The following CSMD1 variants were observed in gnomAD, a reference collection of about 807,000 sequenced individuals.
CSMD1 encodes CUB and sushi domain-containing protein 1.
A neutral mutation model predicts 417.5 loss-of-function variants in CSMD1; 213 were observed. That is an observed-to-expected ratio of 0.51 (90% CI 0.46 to 0.57). CSMD1 has a LOEUF of 0.57. Ranked by LOEUF, CSMD1 falls within the 20% of genes least tolerant of loss-of-function variation. The pLI, the probability that CSMD1 is intolerant of heterozygous loss-of-function variation, is 0.00. For synonymous variants in CSMD1, 2,862 were observed against 1,736.8 expected, an observed-to-expected ratio of 1.65 and a Z score of -16.11; for missense variants, 6,923 against 4,529.7, an observed-to-expected ratio of 1.53 and a Z score of -15.17.
intron 2 of CSMD1, among the ~76,000 whole-genome samples, chr8:4,443,828 TGTTA>T (rs1381030706): frequency 6.6e-6 from 1 of 152,212 alleles, no homozygotes; most frequent in African/African-American, 2.4e-5. Context: ...GTGATCACAG[TGTTA>T]GTAACGAACT....
At chr8:3,985,889 G>GT (rs1350263139) in intron 5 of CSMD1, among the ~76,000 whole-genome samples, 1 of 151,348 alleles carries the variant, frequency 6.6e-6, no homozygotes, top group Non-Finnish European at 1.5e-5. Context: ...CCAATTCATC[G>GT]TGCACTCTTA....
chr8:4,813,361 A>T (rs1318640897), intron 1 of CSMD1, among the ~76,000 whole-genome samples: 1 of 152,200 alleles, frequency 6.6e-6, no homozygotes, highest in Non-Finnish European at 1.5e-5. Flanking sequence ...AAAAAAATTA[A>T]TAGAACATAA....
chr8:4,466,839 G>A (rs987951345), intron 2 of CSMD1, among the ~76,000 whole-genome samples: 2 of 151,882 alleles, frequency 1.3e-5, no homozygotes, highest in African/African-American at 4.8e-5. Flanking sequence ...AGAGAGCAGG[G>A]GAAACATTAT....
At chr8:4,835,794 G>A (rs6992041) in intron 1 of CSMD1, among the ~76,000 whole-genome samples, 1 of 151,182 alleles carries the variant, frequency 6.6e-6, no homozygotes, top group African/African-American at 2.4e-5. Flanking sequence ...ATTCTCAACA[G>A]TGTTATATCT....
intron 1 of CSMD1, among the ~76,000 whole-genome samples, chr8:4,859,041 C>T (rs998454192): frequency 1.3e-5 from 2 of 151,696 alleles, no homozygotes; most frequent in South Asian, 2.1e-4. Flanking sequence ...GTAACCAAAA[C>T]AGCATGGTAC....
chr8:4,057,583 G>C (rs1277446338), intron 3 of CSMD1, among the ~76,000 whole-genome samples: 2 of 151,822 alleles, frequency 1.3e-5, no homozygotes, highest in African/African-American at 4.8e-5. Context: ...ATTGCTTTTG[G>C]TGTTATAGAC....
intron 42 of CSMD1, among the ~76,000 whole-genome samples, chr8:3,112,484 G>T (rs1005545038): frequency 2.0e-5 from 3 of 152,180 alleles, no homozygotes; most frequent in African/African-American, 4.8e-5. Flanking sequence ...ACACATTCCT[G>T]ATTCCAGTAT....
intron 3 of CSMD1, among the ~76,000 whole-genome samples, chr8:4,080,404 T>G (rs752203689): frequency 1.3e-5 from 2 of 152,232 alleles, no homozygotes; most frequent in Non-Finnish European, 2.9e-5. Flanking sequence ...ATTTCCAAAA[T>G]GTACTGGTGA....
At chr8:3,457,927 A>G (rs1585194682) in intron 12 of CSMD1, among the ~76,000 whole-genome samples, 3 of 152,194 alleles carry the variant, frequency 2.0e-5, no homozygotes, top group African/African-American at 7.2e-5. Context: ...GCTGGAAAAA[A>G]ATAGGAAGCT....
chr8:4,896,810 G>A (rs144128963), intron 1 of CSMD1, among the ~76,000 whole-genome samples: 1 of 152,128 alleles, frequency 6.6e-6, no homozygotes, highest in East Asian at 1.9e-4. Flanking sequence ...GCGGGGGGAA[G>A]TGCAGGGCTA....
intron 3 of CSMD1, among the ~76,000 whole-genome samples, chr8:4,049,768 C>T (rs1331367324): frequency 6.6e-6 from 1 of 152,134 alleles, no homozygotes; most frequent in Non-Finnish European, 1.5e-5. Context: ...CCATAAATGG[C>T]CACAGCCCGT....
chr8:4,776,118 C>G (rs984793943), intron 1 of CSMD1, among the ~76,000 whole-genome samples: 3 of 152,024 alleles, frequency 2.0e-5, no homozygotes, highest in African/African-American at 4.8e-5. Context: ...ATTGCCAGGA[C>G]AATCACAGAT....
intron 1 of CSMD1, among the ~76,000 whole-genome samples, chr8:4,981,672 G>T (rs983273105): frequency 1.3e-5 from 2 of 152,184 alleles, no homozygotes. Context: ...CTAGAAGAGT[G>T]TGTGGTGAAC....
chr8:4,826,584 C>G (rs1369772587), intron 1 of CSMD1, among the ~76,000 whole-genome samples: 1 of 152,096 alleles, frequency 6.6e-6, no homozygotes, highest in Non-Finnish European at 1.5e-5. Context: ...GGATGTCCAC[C>G]TTAAACAACT....
At chr8:4,438,912 C>T (rs1399259340) in intron 2 of CSMD1, among the ~76,000 whole-genome samples, 3 of 152,280 alleles carry the variant, frequency 2.0e-5, no homozygotes, top group East Asian at 1.9e-4. Context: ...TTTAAGTATG[C>T]ATAAGTAACA....
intron 14 of CSMD1, among the ~76,000 whole-genome samples, chr8:3,407,145 G>A (rs746309998): frequency 4.0e-5 from 6 of 149,468 alleles, no homozygotes; most frequent in Non-Finnish European, 7.4e-5. Context: ...ATGCATGCAT[G>A]CATGGATGGA....
At chr8:3,884,790 TGTACCTTTTGGTAC>T (rs1258571709) in intron 5 of CSMD1, among the ~76,000 whole-genome samples, 1 of 152,076 alleles carries the variant, frequency 6.6e-6, no homozygotes, top group African/African-American at 2.4e-5. Context: ...ACCTCTATTG[TGTACCTTTTGGTAC>T]GCTACGCAAG....
intron 42 of CSMD1, chr8:3,112,915 G>A (rs1399018895): frequency 1.3e-5 from 2 of 152,208 alleles, no homozygotes; most frequent in African/African-American, 4.8e-5. Context: ...AGAATCTGGA[G>A]TCAAAATTTC....
intron 3 of CSMD1, among the ~76,000 whole-genome samples, chr8:4,097,028 C>A (rs1801049265): frequency 6.6e-6 from 1 of 152,150 alleles, no homozygotes; most frequent in African/African-American, 2.4e-5. Flanking sequence ...CCACCCCCAT[C>A]TTTTTTTAAT....
Sources: gnomAD v4.1 joint callset for allele counts (sites outside exome capture counted in the v4.1 genomes callset) on GRCh38, gnomAD v4.1.1 for gene constraint, MANE v1.5 for transcripts, NCBI Gene and HGNC (gene_info 2026-07-23, HGNC 2026-07-21) for gene names.